Variants in TAMM41 observed in about 807,000 individuals in gnomAD.
The protein encoded by TAMM41 is TAM41 mitochondrial translocator assembly and maintenance homolog, also known as phosphatidate cytidylyltransferase, mitochondrial.
TAMM41 carries 36 observed loss-of-function variants against 44.1 expected under a neutral mutation model. The ratio of observed to expected loss-of-function variants is 0.82; its 90% CI spans 0.63 to 1.08. The LOEUF is 1.08. Among genes scored for constraint, TAMM41 ranks in the 50% least tolerant of loss-of-function variants. The pLI is 0.00. For synonymous variants in TAMM41, 164 were observed against 153.1 expected, an observed-to-expected ratio of 1.07 and a Z score of -0.53; for missense variants, 417 against 404.3, an observed-to-expected ratio of 1.03 and a Z score of -0.27.
intron 7 of TAMM41, among the ~76,000 whole-genome samples, chr3:11,793,198 G>A (rs2077527673): frequency 6.6e-6 from 1 of 152,088 alleles, no homozygotes; most frequent in African/African-American, 2.4e-5. Flanking sequence ...CAACTCAGTA[G>A]GAAAATGAGC....
the TAMM41 span, among the ~76,000 whole-genome samples, chr3:11,770,564 G>A: frequency 1.4e-4 from 22 of 152,320 alleles, no homozygotes; most frequent in East Asian, 3.7e-3. Context: ...TCTCGGCTAC[G>A]ATTCTGTCAA....
the TAMM41 span, among the ~76,000 whole-genome samples, chr3:11,769,486 G>A: frequency 6.6e-6 from 1 of 151,882 alleles, no homozygotes; most frequent in African/African-American, 2.4e-5. Context: ...TTGTGGCCTT[G>A]TGGACCACAC....
chr3:11,764,942 A>G, the TAMM41 span, among the ~76,000 whole-genome samples: 1 of 152,212 alleles, frequency 6.6e-6, no homozygotes, highest in Non-Finnish European at 1.5e-5. Context: ...TTTAGCCAGA[A>G]AAATAGTCAT....
chr3:11,756,865 C>CAA, the TAMM41 span, among the ~76,000 whole-genome samples: 82,252 of 130,902 alleles, frequency 0.63, 24,753 homozygotes, highest in African/African-American at 0.68. Context: ...AATTCCGTCT[C>CAA]AAAAAAAAAA....
At chr3:11,836,234 G>A (rs2079170334) in intron 3 of TAMM41, among the ~76,000 whole-genome samples, 1 of 151,938 alleles carries the variant, frequency 6.6e-6, no homozygotes, top group South Asian at 2.1e-4. Context: ...CAAGTGATCT[G>A]TCTGCCTCAG....
At chr3:11,805,931 T>A (rs2077895133) in intron 7 of TAMM41, among the ~76,000 whole-genome samples, 1 of 152,214 alleles carries the variant, frequency 6.6e-6, no homozygotes, top group South Asian at 2.1e-4. Flanking sequence ...GGGAGGTAAT[T>A]GAATCACGAA....
the TAMM41 span, among the ~76,000 whole-genome samples, chr3:11,768,280 G>C: frequency 6.6e-6 from 1 of 151,914 alleles, no homozygotes; most frequent in East Asian, 1.9e-4. Context: ...GGGACTACAT[G>C]CATGTGCCAG....
At chr3:11,756,873 A>AAG in the TAMM41 span, among the ~76,000 whole-genome samples, 2 of 151,804 alleles carry the variant, frequency 1.3e-5, no homozygotes, top group African/African-American at 2.4e-5. Context: ...CTCAAAAAAA[A>AAG]AAAAAAGAAA....
At chr3:11,815,093 A>G (rs1387818371) in intron 5 of TAMM41, among the ~76,000 whole-genome samples, 3 of 152,366 alleles carry the variant, frequency 2.0e-5, no homozygotes, top group East Asian at 1.9e-4. Flanking sequence ...AATACTATCT[A>G]TCAAAGGGAG....
At chr3:11,766,972 TC>T in the TAMM41 span, among the ~76,000 whole-genome samples, 1 of 152,022 alleles carries the variant, frequency 6.6e-6, no homozygotes, top group African/African-American at 2.4e-5. Flanking sequence ...TTTACCCAGT[TC>T]CCCCCACTGG....
chr3:11,768,575 T>G, the TAMM41 span, among the ~76,000 whole-genome samples: 37 of 152,372 alleles, frequency 2.4e-4, no homozygotes, highest in African/African-American at 8.2e-4. Flanking sequence ...TCCAAGTACC[T>G]ATGCTATTCC....
chr3:11,751,076 C>A, the TAMM41 span, among the ~76,000 whole-genome samples: 1 of 148,614 alleles, frequency 6.7e-6, no homozygotes, highest in Non-Finnish European at 1.5e-5. Flanking sequence ...TTTCCAGAAG[C>A]TTACAGATGA....
At position 11,846,584 on chromosome 3, in the gene TAMM41, G is replaced by A; in HGVS notation, c.53C>T (p.Ser18Phe). 1 of 1,614,260 alleles carries A rather than the reference G, an allele frequency of 6.2e-7. No individual in the cohort carries two copies. Among genetic ancestry groups the A allele is most frequent in the Non-Finnish European group, 8.5e-7 (1 of 1,180,056 alleles). The change falls in exon 1 of 8, where the codon TCT becomes TTT. Residue 18 changes from serine to phenylalanine, a missense_variant. Transcript: ENST00000455809. ...SSWVTFRKIL[S>F]HFPEELSLAF... ...CAGACTCAGCTCCTCGGGGAAGTGA[G>A]ACAGGATCTTGCGGAAGGTCACCCA...
intron 6 of TAMM41, 86 bp downstream of exon 6, chr3:11,809,431 A>C (rs2078018549): frequency 6.6e-7 from 1 of 1,504,714 alleles, no homozygotes; most frequent in Non-Finnish European, 9.1e-7. Context: ...CTAAACAAAA[A>C]GGAAGAAATA....
chr3:11,841,811 C>T (rs558654041), intron 2 of TAMM41, among the ~76,000 whole-genome samples: 15 of 152,322 alleles, frequency 9.8e-5, no homozygotes, highest in Admixed American at 5.9e-4. Context: ...AGAAACACCA[C>T]GGGCCTGGAA....
At chr3:11,734,251 A>G in the TAMM41 span, among the ~76,000 whole-genome samples, 17 of 152,258 alleles carry the variant, frequency 1.1e-4, no homozygotes, top group Non-Finnish European at 2.2e-4. Flanking sequence ...AAGAGATGAA[A>G]GGTGATCCTT....
At chr3:11,826,037 G>C (rs1303868301) in intron 4 of TAMM41, among the ~76,000 whole-genome samples, 1 of 152,080 alleles carries the variant, frequency 6.6e-6, no homozygotes, top group African/African-American at 2.4e-5. Flanking sequence ...CTTTCCCAAC[G>C]AAAGTAATCT....
downstream of TAMM41, among the ~76,000 whole-genome samples, chr3:11,786,111 T>C (rs2077415172): frequency 6.6e-6 from 1 of 152,158 alleles, no homozygotes; most frequent in Non-Finnish European, 1.5e-5. Context: ...CAGGCTGGTG[T>C]GGGCTTGTAG....
chr3:11,754,969 G>A, the TAMM41 span, among the ~76,000 whole-genome samples: 4 of 152,060 alleles, frequency 2.6e-5, no homozygotes, highest in Non-Finnish European at 4.4e-5. Context: ...CAAAGTGCTG[G>A]GATTACAGGT....
Sources: allele counts gnomAD v4.1 joint callset (sites outside exome capture counted in the v4.1 genomes callset), GRCh38; gene constraint gnomAD v4.1.1; transcripts MANE v1.5; gene names NCBI Gene and HGNC (gene_info 2026-07-23, HGNC 2026-07-21).